KALRN: variants seen among roughly 807,000 people sequenced by gnomAD.
KALRN encodes the protein kalirin RhoGEF kinase.
A neutral mutation model predicts 353.7 loss-of-function variants in KALRN; 70 were observed. The ratio of observed to expected loss-of-function variants is 0.20; its 90% confidence interval spans 0.16 to 0.24. The LOEUF (loss-of-function observed/expected upper bound fraction) is 0.24, where lower values mean the gene tolerates loss of function less well. Among genes scored for constraint, KALRN ranks in the 10% least tolerant of loss-of-function variants. The probability of loss-of-function intolerance (pLI) is 1.00; values close to 1 mark genes in which losing one functional copy is unlikely to be tolerated. For synonymous variants in KALRN, 1,391 were observed against 1,434.8 expected, an observed-to-expected ratio of 0.97 and a Z score of 0.69; for missense variants, 2,791 against 3,756.7, an observed-to-expected ratio of 0.74 and a Z score of 6.72.
At chr3:124,300,740 G>A (rs575774145) in intron 6 of KALRN, among the ~76,000 whole-genome samples, 9 of 152,330 alleles carry the variant, frequency 5.9e-5, no homozygotes, top group Admixed American at 2.6e-4. Flanking sequence ...GACTTGCATA[G>A]AAAGATCACT....
intron 34 of KALRN, among the ~76,000 whole-genome samples, chr3:124,569,973 C>T (rs1238793233): frequency 6.6e-6 from 1 of 152,208 alleles, no homozygotes; most frequent in African/African-American, 2.4e-5. Context: ...TGATAGCGGC[C>T]TGCCAACCCC....
intron 33 of KALRN, among the ~76,000 whole-genome samples, chr3:124,558,840 A>G (rs193076891): frequency 6.6e-6 from 1 of 152,332 alleles, no homozygotes; most frequent in East Asian, 1.9e-4. Context: ...AGGTGCACAA[A>G]TGGAAGCTCT....
intron 34 of KALRN, among the ~76,000 whole-genome samples, chr3:124,621,099 C>T (rs2149685364): frequency 6.6e-6 from 1 of 152,252 alleles, no homozygotes. Context: ...GGCCAATGTC[C>T]CAATGGGCTC....
At chr3:124,300,447 ACCAGCTCAGATCTG>A (rs2077175952) in intron 6 of KALRN, among the ~76,000 whole-genome samples, 1 of 152,180 alleles carries the variant, frequency 6.6e-6, no homozygotes, top group African/African-American at 2.4e-5. Context: ...TGGTATAGTC[ACCAGCTCAGATCTG>A]CCAGCTCAGA....
At chr3:124,407,320 A>G (rs973421869) in intron 13 of KALRN, among the ~76,000 whole-genome samples, 1 of 151,372 alleles carries the variant, frequency 6.6e-6, no homozygotes, top group Non-Finnish European at 1.5e-5. Context: ...TTTCTTTTAT[A>G]TATATATATA....
At chr3:124,258,309 C>T (rs1049950438) in intron 3 of KALRN, among the ~76,000 whole-genome samples, 2 of 152,166 alleles carry the variant, frequency 1.3e-5, no homozygotes, top group Non-Finnish European at 2.9e-5. Context: ...CTGAAATTTC[C>T]CTGACTCAAG....
chr3:124,117,065 A>G (rs1041824460), intron 1 of KALRN, among the ~76,000 whole-genome samples: 1 of 152,178 alleles, frequency 6.6e-6, no homozygotes, highest in Admixed American at 6.5e-5. Flanking sequence ...CTCACCACCA[A>G]GTGGATCCCT....
At chr3:124,693,768 G>A (rs1336858772) in intron 51 of KALRN, 36 bp from the exon 52 acceptor site, 4 of 1,437,340 alleles carry the variant, frequency 2.8e-6, no homozygotes, top group Non-Finnish European at 9.7e-7. Context: ...AGTAGTTTAG[G>A]ATTCAAGCAA....
intron 3 of KALRN, among the ~76,000 whole-genome samples, chr3:124,253,780 C>T (rs1167148289): frequency 6.6e-6 from 1 of 152,210 alleles, no homozygotes; most frequent in Non-Finnish European, 1.5e-5. Context: ...AGGATTCTGA[C>T]ATCTTCACAC....
At chr3:124,519,675 A>G (rs1424990915) in intron 33 of KALRN, 1 of 985,268 alleles carries the variant, frequency 1.0e-6, no homozygotes, top group African/African-American at 1.7e-5. Context: ...TCGTGCTCTC[A>G]ATGCAAAGTG....
chr3:124,649,372 A>T (rs79139593), intron 37 of KALRN, among the ~76,000 whole-genome samples: 25 of 152,168 alleles, frequency 1.6e-4, no homozygotes, highest in Admixed American at 1.3e-3. Context: ...TTTGGACTGC[A>T]TTTTTTTAAA....
At chr3:124,471,872 C>A (rs1577210971) in intron 25 of KALRN, among the ~76,000 whole-genome samples, 1 of 148,768 alleles carries the variant, frequency 6.7e-6, no homozygotes, top group African/African-American at 2.5e-5. Flanking sequence ...GAGGCTGAGG[C>A]AGGAGAATGG....
At chr3:124,101,549 T>C (rs547246343) in intron 1 of KALRN, among the ~76,000 whole-genome samples, 2 of 152,270 alleles carry the variant, frequency 1.3e-5, no homozygotes, top group South Asian at 4.1e-4. Context: ...AACTTTCAAA[T>C]CTCCCAAACA....
intron 1 of KALRN, among the ~76,000 whole-genome samples, chr3:124,226,947 G>A (rs1267390167): frequency 6.6e-6 from 1 of 152,038 alleles, no homozygotes; most frequent in Non-Finnish European, 1.5e-5. Flanking sequence ...GTCCCTAATG[G>A]CGACACATAA....
chr3:124,714,316 G>A (rs57842743), intron 58 of KALRN, among the ~76,000 whole-genome samples: 10,412 of 152,110 alleles, frequency 0.068, 695 homozygotes, highest in East Asian at 0.32. Context: ...TCCAGTGAAA[G>A]GTATTGTCAC....
intron 34 of KALRN, among the ~76,000 whole-genome samples, chr3:124,600,996 T>C (rs1324314659): frequency 1.3e-5 from 2 of 152,210 alleles, no homozygotes; most frequent in East Asian, 3.9e-4. Context: ...CTAAGTAAGC[T>C]AGAGCTTTTT....
At chr3:124,396,520 A>G (rs556399192) in intron 12 of KALRN, among the ~76,000 whole-genome samples, 2 of 152,168 alleles carry the variant, frequency 1.3e-5, no homozygotes, top group Non-Finnish European at 2.9e-5. Context: ...AGAATTCCTA[A>G]TAGTGGACAG....
chr3:124,719,451 G>T lies in KALRN; in HGVS notation c.8942G>T (p.Arg2981Leu), dbSNP rs747822809. Reference sequence around the variant, plus strand: ...AATGTCAAGAGCTACATTGTCAACCGGGTGAACCAAGGGACGTAGCCATCT... The same window carrying T: ...AATGTCAAGAGCTACATTGTCAACCTGGTGAACCAAGGGACGTAGCCATCT... ...IPNVKSYIVN[R>L]VNQGT Residue 2981 changes from arginine to leucine, a missense_variant, in exon 60 of 60, where the codon CGG (arginine) becomes CTG (leucine). By Grantham distance (102) the Arg-to-Leu change is moderately radical. This residue lies in a region of KALRN where 32 missense variants were observed against 27.4 expected (regional missense o/e 1.17). Coordinates refer to ENST00000682506, the MANE Select transcript of KALRN (RefSeq NM_001388419.1). The surrounding 1 kb of genome is among the most constrained non-coding windows in gnomAD (Gnocchi z 5.3). 6.2e-7 allele frequency: 1 copy of T among 1,613,232 alleles called. No homozygotes were observed. Among genetic ancestry groups the T allele is most frequent in the Admixed American group, 1.7e-5 (1 of 60,002 alleles).
At chr3:124,667,794 T>C (rs1233700320) in intron 47 of KALRN, among the ~76,000 whole-genome samples, 1 of 152,188 alleles carries the variant, frequency 6.6e-6, no homozygotes, top group African/African-American at 2.4e-5. Flanking sequence ...TCATGGGTGG[T>C]GTGAACTGGA....
Sources: allele counts gnomAD v4.1 joint callset (sites outside exome capture counted in the v4.1 genomes callset), GRCh38; gene constraint gnomAD v4.1.1; regional missense constraint gnomAD v4.1.1; non-coding constraint Gnocchi (gnomAD v3.1); transcripts MANE v1.5; gene names NCBI Gene and HGNC (gene_info 2026-07-23, HGNC 2026-07-21).